The following GLB1 variants were observed in gnomAD, a reference collection of about 807,000 sequenced individuals.
GLB1 encodes the protein galactosidase beta 1.
Under a neutral mutation model 74.0 loss-of-function variants are expected in GLB1, and 56 were observed. That is an observed-to-expected ratio of 0.76 (90% CI 0.61 to 0.94). The LOEUF (loss-of-function observed/expected upper bound fraction) is 0.94. Among genes scored for constraint, GLB1 ranks in the 40% least tolerant of loss-of-function variants. GLB1 has a pLI of 0.00. For missense variants in GLB1, 787 were observed against 845.5 expected (o/e 0.93, Z 0.86); for synonymous variants, 323 against 323.6 (o/e 1.00, Z 0.02).
intron 11 of GLB1, among the ~76,000 whole-genome samples, chr3:33,023,402 T>C (rs113139553): frequency 9.2e-5 from 14 of 152,294 alleles, no homozygotes; most frequent in African/African-American, 3.1e-4. Context: ...TATCTGACAC[T>C]AGGTGGAAAA....
At position 33,027,608 on chromosome 3, in the gene GLB1, C is replaced by A. The variant is rs1360126394; in HGVS notation, c.1069-3283G>T. ...GACCAGCCTGGCCAACGTGGTGAAACCCCATCTCTACTAAAAATACAAAAT... is the reference window on the plus strand; with the variant it reads ...GACCAGCCTGGCCAACGTGGTGAAAACCCATCTCTACTAAAAATACAAAAT... On this transcript the variant is annotated intron_variant, in intron 10 of 15. Coordinates refer to ENST00000307363, the MANE Select transcript of GLB1 (RefSeq NM_000404.4). Among the ~76,000 whole-genome samples the A allele has an allele frequency of 2.0e-5, 3 of 152,198 alleles. No individual in the cohort carries two copies. In the East Asian group the frequency reaches 5.8e-4, roughly 30 times the overall value.
intron 3 of GLB1, 112 bp downstream of exon 3, chr3:33,068,708 G>A: frequency 1.3e-6 from 2 of 1,585,978 alleles, no homozygotes; most frequent in Non-Finnish European, 1.7e-6. Context: ...GCTGGGTACA[G>A]TCCCAGGCCC....
At chr3:33,072,757 C>T (rs1699932564) in intron 1 of GLB1, 44 bp from the exon 2 acceptor site, 4 of 1,612,836 alleles carry the variant, frequency 2.5e-6, no homozygotes, top group African/African-American at 1.3e-5. Flanking sequence ...CCACCTTCTG[C>T]ATTTCAGAAG....
chr3:32,962,964 A>G, the GLB1 span, among the ~76,000 whole-genome samples: 1 of 152,122 alleles, frequency 6.6e-6, no homozygotes, highest in East Asian at 1.9e-4. Context: ...CATAAGAATG[A>G]ACAACAACAA....
intron 1 of GLB1, among the ~76,000 whole-genome samples, chr3:33,073,613 G>A (rs113885652): frequency 1.7e-3 from 261 of 151,962 alleles, no homozygotes; most frequent in African/African-American, 5.8e-3. Context: ...GCTTGAACCC[G>A]GGAAGCGGAG....
At chr3:33,009,529 A>T (rs200890536) in intron 15 of GLB1, among the ~76,000 whole-genome samples, 24 of 146,224 alleles carry the variant, frequency 1.6e-4, no homozygotes, top group African/African-American at 2.4e-4. Context: ...TCAAAAAAAT[A>T]AAAAAAAAGA....
chr3:33,094,355 C>G, intron 1 of GLB1: 1 of 1,401,380 alleles, frequency 7.1e-7, no homozygotes, highest in South Asian at 1.9e-5. Context: ...TGTCCTTGTA[C>G]CCATTCAAAA....
chr3:32,965,783 T>C, the GLB1 span, among the ~76,000 whole-genome samples: 1 of 152,034 alleles, frequency 6.6e-6, no homozygotes, highest in African/African-American at 2.4e-5. Flanking sequence ...CCCCCTGCAG[T>C]GTACAGCTTA....
At chr3:33,069,724 TTGAC>T (rs1326066313) in intron 2 of GLB1, among the ~76,000 whole-genome samples, 1 of 152,242 alleles carries the variant, frequency 6.6e-6, no homozygotes, top group Non-Finnish European at 1.5e-5. Flanking sequence ...CATGACTTTC[TTGAC>T]TGACCGTAAA....
chr3:33,031,642 T>A (rs201886394), intron 10 of GLB1, among the ~76,000 whole-genome samples: 831 of 27,022 alleles, frequency 0.031, 6 homozygotes, highest in African/African-American at 0.064. Flanking sequence ...AAAAAAAAAA[T>A]ATATATATAT....
At chr3:33,045,605 C>A (rs1032015373) in intron 10 of GLB1, 8 of 990,690 alleles carry the variant, frequency 8.1e-6, no homozygotes, top group African/African-American at 7.0e-5. Context: ...TCAGATGATG[C>A]ATTAAATAAA....
intron 4 of GLB1, 100 bp from the exon 5 acceptor site, chr3:33,065,657 A>T (rs1699641698): frequency 4.3e-6 from 6 of 1,391,984 alleles, no homozygotes; most frequent in Non-Finnish European, 5.9e-6. Flanking sequence ...ACAAATTCGT[A>T]AACTTTTTAA....
chr3:33,085,703 A>T (rs1390818995), intron 1 of GLB1, among the ~76,000 whole-genome samples: 1 of 152,078 alleles, frequency 6.6e-6, no homozygotes. Context: ...TAAAAAAAAA[A>T]ACAAAACTAT....
chr3:33,046,083 C>G (rs1403347591), intron 10 of GLB1, 37 bp downstream of exon 10: 1 of 1,606,572 alleles, frequency 6.2e-7, no homozygotes, highest in Non-Finnish European at 8.5e-7. Flanking sequence ...AGGCTCTGTC[C>G]AAGATCAGCC....
chr3:32,986,948 C>T, the GLB1 span, among the ~76,000 whole-genome samples: 2 of 152,188 alleles, frequency 1.3e-5, no homozygotes, highest in East Asian at 3.8e-4. Flanking sequence ...AACTATTGCT[C>T]ATCACTCAAG....
chr3:33,093,442 C>A lies in GLB1; in HGVS notation c.75+3569G>T, dbSNP rs755739216. On this transcript the variant is annotated intron_variant, in intron 1 of 15. Transcript: ENST00000307363. This position sits in a 1 kb window ranked among gnomAD's most constrained non-coding sequence, Gnocchi z 6.0. ...GCGACAGCCGTCCGCAGGACCGAGGCTTCTGAGTCGGAGAGGTCACCCACA... is the reference window on the plus strand; with the variant it reads ...GCGACAGCCGTCCGCAGGACCGAGGATTCTGAGTCGGAGAGGTCACCCACA... 6.2e-7 allele frequency: 1 copy of A among 1,614,140 alleles called. No homozygotes were observed. The highest frequency in any genetic ancestry group is 1.1e-5 in the South Asian group (1 of 91,082).
At chr3:33,028,326 A>G (rs1697859333) in intron 10 of GLB1, among the ~76,000 whole-genome samples, 2 of 152,192 alleles carry the variant, frequency 1.3e-5, no homozygotes. Context: ...GAAGATAAAG[A>G]AAGTTTATCT....
intron 2 of GLB1, among the ~76,000 whole-genome samples, chr3:33,071,817 ACCTCTCC>A (rs1483982394): frequency 1.3e-5 from 2 of 151,744 alleles, no homozygotes; most frequent in African/African-American, 2.4e-5. Flanking sequence ...TAGAAAGGTC[ACCTCTCC>A]CTTCTCCCTT....
chr3:32,992,254 A>G (rs940531716), downstream of GLB1, among the ~76,000 whole-genome samples: 1 of 152,156 alleles, frequency 6.6e-6, no homozygotes, highest in African/African-American at 2.4e-5. Flanking sequence ...GGTCTGTGTC[A>G]TGTTTTATAC....
Sources: allele counts gnomAD v4.1 joint callset (sites outside exome capture counted in the v4.1 genomes callset), GRCh38; gene constraint gnomAD v4.1.1; non-coding constraint Gnocchi (gnomAD v3.1); transcripts MANE v1.5; gene names NCBI Gene and HGNC (gene_info 2026-07-23, HGNC 2026-07-21).